STAG1: variants seen among roughly 807,000 people sequenced by gnomAD.
The protein encoded by STAG1 is STAG1 cohesin complex component.
Under a neutral mutation model 170.9 loss-of-function variants are expected in STAG1, and 26 were observed. The ratio of observed to expected loss-of-function variants is 0.15; its 90% CI spans 0.11 to 0.21. The LOEUF (loss-of-function observed/expected upper bound fraction) is 0.21. Among genes scored for constraint, STAG1 ranks in the 10% least tolerant of loss-of-function variants. The pLI is 1.00. For missense variants in STAG1, 964 were observed against 1,509.5 expected (o/e 0.64, Z 5.99); for synonymous variants, 514 against 497.7 (o/e 1.03, Z -0.44).
intron 5 of STAG1, among the ~76,000 whole-genome samples, chr3:136,556,156 G>T (rs930117033): frequency 2.6e-5 from 4 of 152,110 alleles, no homozygotes; most frequent in Admixed American, 1.3e-4. Flanking sequence ...TACTTATAAT[G>T]AAATTTTTAA....
At chr3:136,616,508 T>C (rs1353988076) in intron 3 of STAG1, among the ~76,000 whole-genome samples, 2 of 152,174 alleles carry the variant, frequency 1.3e-5, no homozygotes. Flanking sequence ...GTCCAACTAA[T>C]ATACTTCCTA....
intron 7 of STAG1, among the ~76,000 whole-genome samples, chr3:136,515,805 A>C (rs1934343724): frequency 1.3e-5 from 2 of 152,224 alleles, no homozygotes; most frequent in Admixed American, 6.5e-5. Flanking sequence ...TTATGGGTAA[A>C]ACTACATGAT....
intron 13 of STAG1, among the ~76,000 whole-genome samples, 199 bp from the exon 14 acceptor site, chr3:136,452,346 T>G (rs958582193): frequency 2.0e-5 from 3 of 151,776 alleles, no homozygotes; most frequent in African/African-American, 7.3e-5. Context: ...AGGTGGATCA[T>G]GAGGTCAGGA....
intron 12 of STAG1, among the ~76,000 whole-genome samples, chr3:136,468,437 C>A (rs1026917170): frequency 2.0e-5 from 3 of 152,162 alleles, no homozygotes; most frequent in Non-Finnish European, 4.4e-5. Flanking sequence ...GACACATACA[C>A]CCTCCCAAGA....
chr3:136,730,070 C>G (rs1293106602), intron 1 of STAG1, among the ~76,000 whole-genome samples: 2 of 151,670 alleles, frequency 1.3e-5, no homozygotes, highest in Admixed American at 1.3e-4. Flanking sequence ...GGTTAAGAGA[C>G]AGAGTCGCCC....
Position 136,338,435 on chromosome 3 carries a change from G to A in STAG1, c.3688C>T (p.Arg1230Trp). 1 of 1,613,582 alleles carries A rather than the reference G, an allele frequency of 6.2e-7. No individual in the cohort carries two copies. Among genetic ancestry groups the A allele is most frequent in the Non-Finnish European group, 8.5e-7 (1 of 1,179,604 alleles). Residue 1230 changes from arginine to tryptophan, a missense_variant, in exon 33 of 34, where the codon CGG (arginine) becomes TGG (tryptophan). Arg to Trp is a moderately radical substitution (Grantham distance 101). Transcript: ENST00000383202. The stretch of plus-strand genomic sequence containing the variant: ...GGCCTTAGCTCAGCTCTCTCTCGCC[G>A]ATTTCTTGATGGAGGCTGGAAAGAG... ...MVIDLPPSRNRRERAELRPDF... is the reference protein window; with the variant it reads ...MVIDLPPSRNWRERAELRPDF...
intron 1 of STAG1, among the ~76,000 whole-genome samples, chr3:136,689,397 CT>C (rs887728432): frequency 1.3e-5 from 2 of 152,086 alleles, no homozygotes; most frequent in Admixed American, 1.3e-4. Context: ...GCAGGTTTTT[CT>C]TTGTTTTATG....
chr3:136,634,975 G>A lies in STAG1; in HGVS notation c.-83-3994C>T, dbSNP rs529439911. On this transcript the variant is annotated intron_variant, in intron 1 of 33. Transcript: ENST00000383202. ...CAAAAAATGTGAAAAGAACTATAACGAGACACTGAATCAGTTATCAAAAAT... is the reference window on the plus strand; with the variant it reads ...CAAAAAATGTGAAAAGAACTATAACAAGACACTGAATCAGTTATCAAAAAT... Among the ~76,000 whole-genome samples the A allele has an allele frequency of 6.6e-5, 10 of 152,182 alleles. No homozygotes were observed. The South Asian group carries it at 1.9e-3, about 28-fold the overall frequency.
intron 1 of STAG1, among the ~76,000 whole-genome samples, chr3:136,692,048 C>T (rs557702379): frequency 6.6e-6 from 1 of 152,316 alleles, no homozygotes; most frequent in Admixed American, 6.5e-5. Context: ...GGGGCAGTGG[C>T]TCATGCCTGT....
At chr3:136,677,543 T>A (rs1345767760) in intron 1 of STAG1, among the ~76,000 whole-genome samples, 2 of 152,104 alleles carry the variant, frequency 1.3e-5, no homozygotes, top group East Asian at 3.8e-4. Context: ...CAATGTGAAA[T>A]TATTAAGAGG....
At chr3:136,494,571 G>C (rs897865354) in intron 9 of STAG1, among the ~76,000 whole-genome samples, 1 of 152,114 alleles carries the variant, frequency 6.6e-6, no homozygotes, top group African/African-American at 2.4e-5. Context: ...ATATAAAAAG[G>C]ATTGTATACC....
intron 11 of STAG1, 106 bp downstream of exon 11, chr3:136,473,433 A>C (rs1174112453): frequency 2.4e-6 from 2 of 828,110 alleles, no homozygotes; most frequent in Admixed American, 5.9e-5. Context: ...TGCTGTAATA[A>C]AGAATATGAA....
chr3:136,409,973 C>G (rs1377607915), intron 21 of STAG1, among the ~76,000 whole-genome samples: 3 of 149,688 alleles, frequency 2.0e-5, no homozygotes, highest in Non-Finnish European at 4.4e-5. Flanking sequence ...GTGGTCCCAG[C>G]TCCTTGGGAG....
chr3:136,565,011 A>AAGGCAGGCAGGCAGGCAGGC lies in STAG1; in HGVS notation c.394+3734_394+3753dup, dbSNP rs1553746573. Among the ~76,000 whole-genome samples the AAGGCAGGCAGGCAGGCAGGC allele has an allele frequency of 1.1e-4, 5 of 45,450 alleles. 1 individual carries two copies. The highest frequency in any genetic ancestry group is 3.8e-4 in the African/African-American group (3 of 7,966). The allele number at this position is 45,450 out of a possible 152,430, so 29.8% of individuals were successfully genotyped here. On this transcript the variant is annotated intron_variant, in intron 5 of 33. Coordinates refer to ENST00000383202, the MANE Select transcript of STAG1 (RefSeq NM_005862.3). ...GAAGGAAGGAAGGAAGGAAGGAAGG[A>AAGGCAGGCAGGCAGGCAGGC]AGGCAGGCAGGCAGGCAGGCAGGCA...
At chr3:136,538,205 G>A (rs1031566965) in intron 6 of STAG1, among the ~76,000 whole-genome samples, 23 of 152,026 alleles carry the variant, frequency 1.5e-4, no homozygotes, top group African/African-American at 4.3e-4. Flanking sequence ...TAATGATAGC[G>A]CAATACTATA....
chr3:136,380,134 C>T (rs1291520674), intron 22 of STAG1, among the ~76,000 whole-genome samples: 1 of 152,166 alleles, frequency 6.6e-6, no homozygotes, highest in Non-Finnish European at 1.5e-5. Flanking sequence ...TCACAGCACC[C>T]ATAGATGCTA....
intron 3 of STAG1, among the ~76,000 whole-genome samples, chr3:136,618,844 A>C (rs1399945234): frequency 6.6e-6 from 1 of 152,196 alleles, no homozygotes; most frequent in African/African-American, 2.4e-5. Context: ...CCTTGACTGC[A>C]AAGAAATACA....
rs1368205827 is a variant in STAG1, at chr3:136,535,875, TA to T, written c.471+6243del. 2.6e-5 allele frequency among the ~76,000 whole-genome samples: 4 copies of T among 152,134 alleles called. No individual in the cohort carries two copies. In the South Asian group the frequency reaches 8.3e-4, roughly 32 times the overall value. On this transcript the variant is annotated intron_variant, in intron 6 of 33. Coordinates refer to ENST00000383202, the MANE Select transcript of STAG1 (RefSeq NM_005862.3). ...TAAAAGCAAAAAGTGATACCTCTAATAAATAAAAAACCGAATTCCTACTATC... is the reference window on the plus strand; with the variant it reads ...TAAAAGCAAAAAGTGATACCTCTAATAATAAAAAACCGAATTCCTACTATC...
rs185134730 is a variant in STAG1 at position 136,697,192 on chromosome 3, A to G, written c.-84+55003T>C. Among the ~76,000 whole-genome samples, 856 of 152,282 alleles carry G rather than the reference A, an allele frequency of 5.6e-3. 7 individuals carry two copies. The highest frequency in any genetic ancestry group is 7.9e-3 in the Non-Finnish European group (537 of 68,014). ...TAAATTAAAATTTTCCACACTTAAC[A>G]TTTTTTACCTTGAAATCTATTACAC... On this transcript the variant is annotated intron_variant, in intron 1 of 33. Transcript: ENST00000383202.
Sources: allele counts gnomAD v4.1 joint callset (sites outside exome capture counted in the v4.1 genomes callset), GRCh38; gene constraint gnomAD v4.1.1; transcripts MANE v1.5; gene names NCBI Gene and HGNC (gene_info 2026-07-23, HGNC 2026-07-21).